MARCHF3: variants seen among roughly 807,000 people sequenced by gnomAD.
The protein encoded by MARCHF3 is E3 ubiquitin-protein ligase MARCHF3.
Under a neutral mutation model 24.2 loss-of-function variants are expected in MARCHF3, and 13 were observed. The ratio of observed to expected loss-of-function variants is 0.54; its 90% CI spans 0.35 to 0.85. The LOEUF (loss-of-function observed/expected upper bound fraction) is 0.85. Ranked by LOEUF, MARCHF3 falls within the 40% of genes least tolerant of loss-of-function variation. The pLI, the probability that MARCHF3 is intolerant of heterozygous loss-of-function variation, is 0.01. For missense variants in MARCHF3, 276 were observed against 325.0 expected (o/e 0.85, Z 1.16); for synonymous variants, 144 against 137.3 (o/e 1.05, Z -0.34).
At chr5:126,908,609 G>A (rs1408794455) in intron 3 of MARCHF3, among the ~76,000 whole-genome samples, 1 of 151,878 alleles carries the variant, frequency 6.6e-6, no homozygotes, top group Non-Finnish European at 1.5e-5. Context: ...CCAGTTGATC[G>A]CATCGGCTCC....
At chr5:126,898,314 C>G (rs1753993240) in intron 3 of MARCHF3, among the ~76,000 whole-genome samples, 1 of 152,072 alleles carries the variant, frequency 6.6e-6, no homozygotes, top group Non-Finnish European at 1.5e-5. Flanking sequence ...AGGAAACCCT[C>G]CATCTTGCAT....
intron 1 of MARCHF3, among the ~76,000 whole-genome samples, chr5:126,998,025 A>G (rs1752003614): frequency 6.6e-6 from 1 of 152,242 alleles, no homozygotes; most frequent in South Asian, 2.1e-4. Flanking sequence ...AAAAAAGAGA[A>G]TATTACCCTA....
At chr5:126,896,626 C>G (rs1022041566) in intron 3 of MARCHF3, among the ~76,000 whole-genome samples, 2 of 152,080 alleles carry the variant, frequency 1.3e-5, no homozygotes, top group Non-Finnish European at 2.9e-5. Context: ...CCAGCTCTCC[C>G]TTTAAGACTA....
At chr5:126,880,116 G>A (rs1753295941) in intron 3 of MARCHF3, among the ~76,000 whole-genome samples, 1 of 152,150 alleles carries the variant, frequency 6.6e-6, no homozygotes, top group South Asian at 2.1e-4. Context: ...GGCAAAGAGG[G>A]AAAGAAGTTG....
intron 1 of MARCHF3, among the ~76,000 whole-genome samples, chr5:126,988,367 C>G (rs896602231): frequency 1.3e-5 from 2 of 152,184 alleles, no homozygotes; most frequent in African/African-American, 4.8e-5. Context: ...TAAAACTCAG[C>G]CCCTTGCTCT....
chr5:126,958,381 T>C (rs189409868), intron 1 of MARCHF3, among the ~76,000 whole-genome samples: 35 of 152,316 alleles, frequency 2.3e-4, no homozygotes, highest in African/African-American at 8.2e-4. Flanking sequence ...TTAAGATGTA[T>C]ATTAGTTTAA....
At chr5:126,890,193 T>C (rs1753634601) in intron 3 of MARCHF3, among the ~76,000 whole-genome samples, 1 of 152,216 alleles carries the variant, frequency 6.6e-6, no homozygotes, top group African/African-American at 2.4e-5. Context: ...CTTCCTTTGA[T>C]TATGTTTAAT....
At chr5:126,914,775 C>CACACACAG in intron 3 of MARCHF3, 155 bp downstream of exon 3, 1 of 628,440 alleles carries the variant, frequency 1.6e-6, no homozygotes, top group Non-Finnish European at 2.9e-6. Flanking sequence ...CAAACACACA[C>CACACACAG]ACACACACAC....
At chr5:126,929,982 G>A (rs1037931850) in intron 1 of MARCHF3, among the ~76,000 whole-genome samples, 2 of 152,130 alleles carry the variant, frequency 1.3e-5, no homozygotes, top group African/African-American at 4.8e-5. Flanking sequence ...GTGGAACTAT[G>A]AGTCCATTAA....
chr5:127,019,473 T>C (rs1752727976), intron 1 of MARCHF3, among the ~76,000 whole-genome samples: 1 of 152,244 alleles, frequency 6.6e-6, no homozygotes, highest in South Asian at 2.1e-4. Flanking sequence ...AAAGCAGTTC[T>C]GATCAGTGAG....
chr5:126,903,288 G>A (rs1406493965), intron 3 of MARCHF3, among the ~76,000 whole-genome samples: 1 of 151,864 alleles, frequency 6.6e-6, no homozygotes, highest in Non-Finnish European at 1.5e-5. Flanking sequence ...CAAGGCCTGG[G>A]GAAATAGAGA....
intron 1 of MARCHF3, among the ~76,000 whole-genome samples, chr5:127,003,877 T>G (rs73786291): frequency 6.6e-6 from 1 of 152,262 alleles, no homozygotes; most frequent in African/African-American, 2.4e-5. Context: ...CACACAAACA[T>G]GGTATGTACT....
At chr5:126,962,814 T>C (rs1030427862) in intron 1 of MARCHF3, among the ~76,000 whole-genome samples, 83 of 68,826 alleles carry the variant, frequency 1.2e-3, no homozygotes, top group African/African-American at 5.5e-3. Context: ...ATACTCAACC[T>C]GTGTGTGTGT....
chr5:127,009,373 T>G (rs1159563208), intron 1 of MARCHF3, among the ~76,000 whole-genome samples: 1 of 152,228 alleles, frequency 6.6e-6, no homozygotes, highest in African/African-American at 2.4e-5. Flanking sequence ...TAGGTTGTTT[T>G]TCTGTATGTT....
intron 3 of MARCHF3, among the ~76,000 whole-genome samples, chr5:126,914,234 C>T (rs1344856433): frequency 2.0e-5 from 3 of 151,900 alleles, no homozygotes; most frequent in African/African-American, 4.8e-5. Flanking sequence ...CCGCCCACCT[C>T]GGCCTCCCAA....
At chr5:126,929,577 CA>C (rs928753422) in intron 1 of MARCHF3, among the ~76,000 whole-genome samples, 2 of 152,158 alleles carry the variant, frequency 1.3e-5, no homozygotes, top group Admixed American at 6.5e-5. Context: ...ATGATTTACA[CA>C]AAAAAGTCAT....
At chr5:126,936,031 G>A (rs1019032580) in intron 1 of MARCHF3, among the ~76,000 whole-genome samples, 1 of 152,090 alleles carries the variant, frequency 6.6e-6, no homozygotes, top group African/African-American at 2.4e-5. Flanking sequence ...GTGATGCTCA[G>A]GCTACACAGA....
chr5:126,916,377 T>C (rs1754732347), intron 2 of MARCHF3, among the ~76,000 whole-genome samples: 1 of 152,154 alleles, frequency 6.6e-6, no homozygotes. Flanking sequence ...CACATGCCCA[T>C]TCATCCTCCT....
At chr5:126,939,141 T>C (rs546335168) in intron 1 of MARCHF3, among the ~76,000 whole-genome samples, 2 of 152,316 alleles carry the variant, frequency 1.3e-5, no homozygotes, top group East Asian at 3.9e-4. Context: ...GCAACAAACA[T>C]AATCTTATGC....
Sources: gnomAD v4.1 joint callset for allele counts (sites outside exome capture counted in the v4.1 genomes callset) on GRCh38, gnomAD v4.1.1 for gene constraint, MANE v1.5 for transcripts, NCBI Gene and HGNC (gene_info 2026-07-23, HGNC 2026-07-21) for gene names.